SUZ12: variants seen among roughly 807,000 people sequenced by gnomAD.
SUZ12 encodes polycomb protein SUZ12.
A neutral mutation model predicts 87.3 loss-of-function variants in SUZ12; 17 were observed. The ratio of observed to expected loss-of-function variants is 0.19; its 90% CI spans 0.13 to 0.29. The LOEUF is 0.29. Among genes scored for constraint, SUZ12 ranks in the 10% least tolerant of loss-of-function variants. SUZ12 has a pLI of 1.00. For synonymous variants in SUZ12, 253 were observed against 312.4 expected (o/e 0.81, Z 2.01); for missense variants, 526 against 912.2 (o/e 0.58, Z 5.45).
chr17:31,981,610 G>A (rs1909109621), intron 8 of SUZ12, among the ~76,000 whole-genome samples: 1 of 152,198 alleles, frequency 6.6e-6, no homozygotes, highest in African/African-American at 2.4e-5. Flanking sequence ...AAATAAATTA[G>A]TTTTTAAAAT....
chr17:31,974,064 A>G (rs534610828), intron 6 of SUZ12, among the ~76,000 whole-genome samples: 2 of 152,266 alleles, frequency 1.3e-5, no homozygotes, highest in East Asian at 3.9e-4. Flanking sequence ...CTCTACCAAA[A>G]ATACAAAAAT....
At chr17:31,978,740 A>T (rs543846491) in intron 8 of SUZ12, among the ~76,000 whole-genome samples, 1 of 152,214 alleles carries the variant, frequency 6.6e-6, no homozygotes, top group Non-Finnish European at 1.5e-5. Flanking sequence ...TTCTTGTAAG[A>T]AAAAGATAAT....
intron 3 of SUZ12, among the ~76,000 whole-genome samples, chr17:31,942,717 C>T (rs1248283164): frequency 2.0e-5 from 3 of 152,108 alleles, no homozygotes; most frequent in African/African-American, 7.2e-5. Flanking sequence ...AGTCTTAAAT[C>T]ATTAGATTTT....
chr17:31,942,392 A>G (rs768183119), intron 3 of SUZ12, among the ~76,000 whole-genome samples: 13 of 151,002 alleles, frequency 8.6e-5, no homozygotes, highest in Non-Finnish European at 1.5e-4. Context: ...CTGGAGTGCA[A>G]TGGCGCAATC....
chr17:31,973,883 G>C (rs1172564378), intron 6 of SUZ12, among the ~76,000 whole-genome samples: 1 of 152,118 alleles, frequency 6.6e-6, no homozygotes, highest in Admixed American at 6.6e-5. Flanking sequence ...TCACTGGGAG[G>C]GAGTAGACTA....
At chr17:31,966,109 A>G (rs558894935) in intron 4 of SUZ12, 38 bp from the exon 5 acceptor site, 61 of 1,524,410 alleles carry the variant, frequency 4.0e-5, no homozygotes, top group Non-Finnish European at 5.4e-5. Flanking sequence ...ACTACAGAGC[A>G]TTACAATGAT....
intron 3 of SUZ12, 107 bp downstream of exon 3, chr17:31,940,593 T>C: frequency 6.8e-7 from 1 of 1,464,268 alleles, no homozygotes; most frequent in Non-Finnish European, 9.0e-7. Flanking sequence ...AAGTACTATT[T>C]CTAACTAAAG....
intron 4 of SUZ12, among the ~76,000 whole-genome samples, chr17:31,955,765 A>T (rs1004384414): frequency 6.6e-6 from 1 of 151,806 alleles, no homozygotes; most frequent in African/African-American, 2.4e-5. Flanking sequence ...CTTACAGTAG[A>T]GATCCATTGT....
Position 31,975,369 on chromosome 17 carries a change from T to A in SUZ12, c.592-113T>A, listed in dbSNP as rs1218250612. 3 of 678,084 alleles carry A rather than the reference T, an allele frequency of 4.4e-6. No individual in the cohort carries two copies. In the African/African-American group the frequency reaches 5.6e-5, roughly 13 times the overall value. The allele number at this position is 678,084 out of a possible 1,614,324, so 42.0% of individuals were successfully genotyped here. ...TATGGTTAGAATTTTAACATTCCAT[T>A]TGGTGATCATGGCCTATCTCCCGTG... On this transcript the variant is annotated intron_variant, in intron 6 of 15. Transcript: ENST00000322652.
rs900893099 is a variant in SUZ12 at position 31,976,872 on chromosome 17, T to C, written c.917+258T>C. Among the ~76,000 whole-genome samples the C allele has an allele frequency of 7.9e-5, 12 of 152,236 alleles. 1 individual carries two copies. Among genetic ancestry groups the C allele is most frequent in the African/African-American group, 2.9e-4 (12 of 41,470 alleles). ...TGAGTGTCTACTCTTTGCCAGACAC[T>C]GTTCTAGACATTAAGAAGGCAACAA... On this transcript the variant is annotated intron_variant, in intron 8 of 15. Coordinates refer to ENST00000322652, the MANE Select transcript of SUZ12 (RefSeq NM_015355.4).
chr17:31,942,261 T>A lies in SUZ12; in HGVS notation c.386+1775T>A, dbSNP rs1906344805. Among the ~76,000 whole-genome samples, 3 of 152,174 alleles carry A rather than the reference T, an allele frequency of 2.0e-5. No individual in the cohort carries two copies. In the South Asian group the frequency reaches 6.2e-4, roughly 32 times the overall value. On this transcript the variant is annotated intron_variant, in intron 3 of 15. Coordinates refer to ENST00000322652, the MANE Select transcript of SUZ12 (RefSeq NM_015355.4). ...AATTTAAGTTAATTTTTGATTATTATGTGTAATTTGAATTAGGTCCTGTAA... is the reference window on the plus strand; with the variant it reads ...AATTTAAGTTAATTTTTGATTATTAAGTGTAATTTGAATTAGGTCCTGTAA...
At chr17:31,959,793 CTT>C in intron 4 of SUZ12, among the ~76,000 whole-genome samples, 2 of 152,260 alleles carry the variant, frequency 1.3e-5, no homozygotes, top group Middle Eastern at 6.8e-3. Context: ...GTGTTAGTCT[CTT>C]ATGAATTAGC....
intron 9 of SUZ12, among the ~76,000 whole-genome samples, chr17:31,985,226 A>G (rs1909341382): frequency 6.6e-6 from 1 of 151,492 alleles, no homozygotes. Context: ...ATATATATAA[A>G]GTTAAAATTG....
chr17:31,978,096 C>T (rs1032978361), intron 8 of SUZ12, among the ~76,000 whole-genome samples: 11 of 152,052 alleles, frequency 7.2e-5, no homozygotes, highest in African/African-American at 2.4e-4. Context: ...AAACCTATGC[C>T]GTCATTTCTT....
chr17:31,985,766 G>A (rs1447401866), intron 9 of SUZ12, among the ~76,000 whole-genome samples: 1 of 151,506 alleles, frequency 6.6e-6, no homozygotes, highest in Admixed American at 6.6e-5. Flanking sequence ...GGGTTCAAGC[G>A]ATTCTCCAGC....
chr17:31,940,172 T>C, intron 1 of SUZ12, 114 bp from the exon 2 acceptor site: 1 of 1,419,792 alleles, frequency 7.0e-7, no homozygotes, highest in Non-Finnish European at 9.5e-7. Context: ...ATATAAATAG[T>C]GCGTGATTTC....
chr17:31,955,794 A>G (rs1907287579), intron 4 of SUZ12, among the ~76,000 whole-genome samples: 1 of 151,980 alleles, frequency 6.6e-6, no homozygotes, highest in East Asian at 1.9e-4. Flanking sequence ...GTTGCCCAAG[A>G]TGGTCTCAAA....
At chr17:31,985,644 G>T (rs1252010106) in intron 9 of SUZ12, among the ~76,000 whole-genome samples, 2 of 144,626 alleles carry the variant, frequency 1.4e-5, no homozygotes, top group Non-Finnish European at 3.0e-5. Flanking sequence ...GTTGTTGTTG[G>T]TTTTGTTTTT....
chr17:32,000,902 TC>T lies in SUZ12; in HGVS notation c.*1901del, dbSNP rs1422477844. ...CCCTTGATAACAGATTTTGAAGAAATCCTGTAAGATGATAAAGCATTTGAAT... is the reference window on the plus strand; with the variant it reads ...CCCTTGATAACAGATTTTGAAGAAATCTGTAAGATGATAAAGCATTTGAAT... On this transcript the variant is annotated 3_prime_UTR_variant, in exon 16 of 16. Coordinates refer to ENST00000322652, the MANE Select transcript of SUZ12 (RefSeq NM_015355.4). 4.5e-6 allele frequency: 1 copy of T among 222,468 alleles called. No individual in the cohort carries two copies. The highest frequency in any genetic ancestry group is 9.0e-6 in the Non-Finnish European group (1 of 111,276). 13.8% of individuals were successfully genotyped at this position (222,468 alleles called of 1,614,324 possible). A position where few individuals can be genotyped will look rare whatever the true frequency, so the allele number is the denominator to read the frequency against.
Sources: gnomAD v4.1 joint callset for allele counts (sites outside exome capture counted in the v4.1 genomes callset) on GRCh38, gnomAD v4.1.1 for gene constraint, MANE v1.5 for transcripts, NCBI Gene and HGNC (gene_info 2026-07-23, HGNC 2026-07-21) for gene names.